Variants in CCDC102B observed in about 807,000 individuals in gnomAD.
CCDC102B encodes coiled-coil domain containing 102B.
A neutral mutation model predicts 57.4 loss-of-function variants in CCDC102B; 75 were observed. That is an observed-to-expected ratio of 1.31 (90% CI 1.08 to 1.58). CCDC102B has a LOEUF of 1.58. Among genes scored for constraint, CCDC102B ranks in the 40% most tolerant of loss-of-function variants. The probability of loss-of-function intolerance (pLI) is 0.00; values close to 1 mark genes in which losing one functional copy is unlikely to be tolerated. For missense variants in CCDC102B, 636 were observed against 582.6 expected, an observed-to-expected ratio of 1.09 and a Z score of -0.94; for synonymous variants, 206 against 201.9, an observed-to-expected ratio of 1.02 and a Z score of -0.17.
chr18:68,871,903 T>C (rs1403968182), intron 4 of CCDC102B, among the ~76,000 whole-genome samples: 1 of 152,116 alleles, frequency 6.6e-6, no homozygotes, highest in African/African-American at 2.4e-5. Context: ...AGGCTGCATG[T>C]AGAAGCAGAA....
intron 7 of CCDC102B, among the ~76,000 whole-genome samples, chr18:69,052,206 A>G (rs1425223399): frequency 6.6e-6 from 1 of 152,004 alleles, no homozygotes; most frequent in East Asian, 1.9e-4. Context: ...ATAAACATAC[A>G]TGAGAAAAAT....
At chr18:68,924,933 C>T (rs2041426080) in intron 6 of CCDC102B, among the ~76,000 whole-genome samples, 1 of 152,006 alleles carries the variant, frequency 6.6e-6, no homozygotes, top group African/African-American at 2.4e-5. Context: ...CCCAGATTTG[C>T]TGATTGGGCA....
At chr18:68,838,556 T>C (rs916313498) in intron 2 of CCDC102B, 150 bp from the exon 3 acceptor site, 1 of 1,427,540 alleles carries the variant, frequency 7.0e-7, no homozygotes, top group African/African-American at 1.4e-5. Context: ...TGCAAGTAAG[T>C]GTGGCCACAC....
At chr18:69,035,329 A>G (rs1358104154) in intron 7 of CCDC102B, among the ~76,000 whole-genome samples, 1 of 152,104 alleles carries the variant, frequency 6.6e-6, no homozygotes, top group Admixed American at 6.6e-5. Flanking sequence ...AAGCAGTTCC[A>G]TGAAAATGTG....
chr18:68,845,762 T>A (rs1359358265), intron 3 of CCDC102B, among the ~76,000 whole-genome samples: 3 of 151,846 alleles, frequency 2.0e-5, no homozygotes, highest in Admixed American at 2.0e-4. Flanking sequence ...AGAAATTAAT[T>A]TCAGTCCTTT....
chr18:68,975,352 A>G (rs1370757620), intron 6 of CCDC102B, among the ~76,000 whole-genome samples: 1 of 151,668 alleles, frequency 6.6e-6, no homozygotes, highest in Non-Finnish European at 1.5e-5. Context: ...TGTCTTAAGA[A>G]AACAATGAAA....
At chr18:68,792,652 C>A (rs1456529565) in intron 2 of CCDC102B, among the ~76,000 whole-genome samples, 3 of 152,170 alleles carry the variant, frequency 2.0e-5, no homozygotes, top group African/African-American at 7.2e-5. Flanking sequence ...CTACAGGTTA[C>A]ATCTTTTTTA....
intron 6 of CCDC102B, among the ~76,000 whole-genome samples, chr18:68,956,349 T>TATTATATA (rs1491436001): frequency 1.7e-5 from 1 of 57,236 alleles, no homozygotes; most frequent in East Asian, 4.6e-4. Context: ...AATATATATA[T>TATTATATA]TAATATATAT....
intron 2 of CCDC102B, chr18:68,754,191 CTT>C (rs1270573334): frequency 6.6e-6 from 1 of 152,024 alleles, no homozygotes; most frequent in East Asian, 1.9e-4. Flanking sequence ...AATAGCAAGA[CTT>C]TTGGCAAAAT....
chr18:68,811,809 G>A (rs1599497850), intron 1 of CCDC102B, among the ~76,000 whole-genome samples: 1 of 152,152 alleles, frequency 6.6e-6, no homozygotes, highest in East Asian at 1.9e-4. Flanking sequence ...AAGCACAGAG[G>A]ACTGCAGGTC....
chr18:68,805,763 G>A (rs1401132664), intron 1 of CCDC102B, among the ~76,000 whole-genome samples: 1 of 152,110 alleles, frequency 6.6e-6, no homozygotes, highest in African/African-American at 2.4e-5. Context: ...GGAACTGAGA[G>A]GTGAGGATGT....
chr18:69,018,032 C>T (rs950010904), intron 7 of CCDC102B, among the ~76,000 whole-genome samples: 1 of 151,300 alleles, frequency 6.6e-6, no homozygotes, highest in African/African-American at 2.4e-5. Flanking sequence ...ATAACTTATC[C>T]GTTTCTGTGT....
rs57226048 is a variant in CCDC102B at position 69,022,193 on chromosome 18, C to CTA, written c.1434+11118_1434+11119dup. ...TTTATTAGACCCATTATCCTTTAGC[C>CTA]TATATATATATATATATATATATAT... On this transcript the variant is annotated intron_variant, in intron 7 of 7. Transcript: ENST00000360242. 2.0e-3 allele frequency among the ~76,000 whole-genome samples: 278 copies of CTA among 142,068 alleles called. 1 individual carries two copies. The highest frequency in any genetic ancestry group is 7.5e-3 in the African/African-American group (264 of 34,994). The allele number at this position is 142,068 out of a possible 152,430, so 93.2% of individuals were successfully genotyped here. A position where few individuals can be genotyped will look rare whatever the true frequency, so the allele number is the denominator to read the frequency against.
At chr18:69,007,839 C>T (rs896795252) in intron 6 of CCDC102B, among the ~76,000 whole-genome samples, 2 of 152,202 alleles carry the variant, frequency 1.3e-5, no homozygotes, top group African/African-American at 4.8e-5. Context: ...GTGGAATTTG[C>T]GTTGACAAAC....
chr18:68,857,204 ATATATAAAAATATATTTATATATTTTT>A lies in CCDC102B; in HGVS notation c.936+10784_936+10810del, dbSNP rs1568292307. Among the ~76,000 whole-genome samples, 80 of 26,852 alleles carry A rather than the reference ATATATAAAAATATATTTATATATTTTT, an allele frequency of 3.0e-3. 4 individuals carry two copies. Among genetic ancestry groups the A allele is most frequent in the African/African-American group, 5.5e-3 (31 of 5,672 alleles). 17.6% of individuals were successfully genotyped at this position (26,852 alleles called of 152,430 possible). A position where few individuals can be genotyped will look rare whatever the true frequency, so the allele number is the denominator to read the frequency against. On this transcript the variant is annotated intron_variant, in intron 4 of 7. Transcript: ENST00000360242. ...AAATATATTTATATATTTTTATATA[ATATATAAAAATATATTTATATATTTTT>A]ATATATAAATATATATTTATTATTT...
intron 2 of CCDC102B, chr18:68,753,454 TCAACCACTTCCACTCATATGAACACAC>T (rs2033938092): frequency 6.6e-6 from 1 of 152,124 alleles, no homozygotes; most frequent in Non-Finnish European, 1.5e-5. Context: ...ACAGATGGTC[TCAACCACTTCCACTCATATGAACACAC>T]ACCTCACATA....
chr18:68,941,022 A>G (rs2049366291), intron 6 of CCDC102B, among the ~76,000 whole-genome samples: 1 of 151,808 alleles, frequency 6.6e-6, no homozygotes, highest in Non-Finnish European at 1.5e-5. Context: ...AATCATACCA[A>G]ATTTAACCTA....
chr18:68,970,688 A>G (rs886214954), intron 6 of CCDC102B, among the ~76,000 whole-genome samples: 1 of 151,994 alleles, frequency 6.6e-6, no homozygotes, highest in African/African-American at 2.4e-5. Flanking sequence ...TAGCACATAA[A>G]TTATAAATAT....
At position 68,905,893 on chromosome 18, in the gene CCDC102B, A is replaced by G. The variant is rs1244668028; in HGVS notation, c.1263+8465A>G. ...ACTGCAAGCTCCGCCTCCCGGGTTC[A>G]CGCCGTTCTCCTGCCTCAGCCTCCC... On this transcript the variant is annotated intron_variant, in intron 6 of 7. Transcript: ENST00000360242. 2.8e-5 allele frequency among the ~76,000 whole-genome samples: 4 copies of G among 142,252 alleles called. 1 individual carries two copies. Among genetic ancestry groups the G allele is most frequent in the Admixed American group, 2.2e-4 (3 of 13,356 alleles). The allele number at this position is 142,252 out of a possible 152,430, so 93.3% of individuals were successfully genotyped here.
Sources: gnomAD v4.1 joint callset for allele counts (sites outside exome capture counted in the v4.1 genomes callset) on GRCh38, gnomAD v4.1.1 for gene constraint, MANE v1.5 for transcripts, NCBI Gene and HGNC (gene_info 2026-07-23, HGNC 2026-07-21) for gene names.